The following XYLT1 variants were observed in gnomAD, a reference collection of about 807,000 sequenced individuals.
XYLT1 encodes beta-D-xylosyltransferase 1.
A neutral mutation model predicts 91.3 loss-of-function variants in XYLT1; 36 were observed. That is an observed-to-expected ratio of 0.39 (90% CI 0.30 to 0.52). The LOEUF (loss-of-function observed/expected upper bound fraction) is 0.52, where lower values mean the gene tolerates loss of function less well. Ranked by LOEUF, XYLT1 falls within the 20% of genes least tolerant of loss-of-function variation. XYLT1 has a pLI of 0.68. For missense variants in XYLT1, 1,242 were observed against 1,284.5 expected (o/e 0.97, Z 0.51); for synonymous variants, 588 against 532.0 (o/e 1.11, Z -1.45).
At chr16:17,285,918 G>A (rs1407888165) in intron 2 of XYLT1, among the ~76,000 whole-genome samples, 1 of 135,938 alleles carries the variant, frequency 7.4e-6, no homozygotes, top group Non-Finnish European at 1.6e-5. Flanking sequence ...GTGTGTGTGT[G>A]TCCATGTGTG....
At chr16:17,162,089 T>A (rs1483437625) in intron 5 of XYLT1, among the ~76,000 whole-genome samples, 4 of 152,156 alleles carry the variant, frequency 2.6e-5, no homozygotes, top group African/African-American at 9.7e-5. Flanking sequence ...TTTTATTGCA[T>A]TTGATAGTCA....
rs1425400893 is a variant in XYLT1 at position 17,312,622 on chromosome 16, T to A, written c.402+45390A>T. Reference sequence around the variant, plus strand: ...ATCAGTACAATACTGTTAACGGGACTGCAGATTTTGTTTTTGTTTTCACCC... The same window carrying A: ...ATCAGTACAATACTGTTAACGGGACAGCAGATTTTGTTTTTGTTTTCACCC... On this transcript the variant is annotated intron_variant, in intron 2 of 11. Coordinates refer to ENST00000261381, the MANE Select transcript of XYLT1 (RefSeq NM_022166.4). The surrounding 1 kb of genome is among the most constrained non-coding windows in gnomAD (Gnocchi z 4.4). Among the ~76,000 whole-genome samples the A allele has an allele frequency of 2.6e-5, 4 of 152,212 alleles. No individual in the cohort carries two copies. In the East Asian group the frequency reaches 5.8e-4, roughly 22 times the overall value.
intron 3 of XYLT1, among the ~76,000 whole-genome samples, chr16:17,230,857 ATT>A (rs1461125330): frequency 6.6e-6 from 1 of 152,170 alleles, no homozygotes; most frequent in African/African-American, 2.4e-5. Context: ...ATCTGGAGAC[ATT>A]TTTCATTGCC....
intron 5 of XYLT1, among the ~76,000 whole-genome samples, chr16:17,173,548 A>G (rs2031873821): frequency 6.6e-6 from 1 of 152,256 alleles, no homozygotes; most frequent in African/African-American, 2.4e-5. Context: ...AGGCTTGGCT[A>G]GCGCCATGTC....
intron 2 of XYLT1, among the ~76,000 whole-genome samples, chr16:17,314,475 G>A (rs2034595680): frequency 6.6e-6 from 1 of 152,194 alleles, no homozygotes. Flanking sequence ...AGCATGAGAA[G>A]TACCTCTCTG....
intron 5 of XYLT1, among the ~76,000 whole-genome samples, chr16:17,192,566 G>C (rs1470211760): frequency 1.3e-5 from 2 of 152,160 alleles, no homozygotes; most frequent in African/African-American, 2.4e-5. Context: ...ATCTAGCAGG[G>C]CCTCAGAGTT....
At chr16:17,338,500 T>C (rs1205794731) in intron 2 of XYLT1, 2 of 456,516 alleles carry the variant, frequency 4.4e-6, no homozygotes, top group Non-Finnish European at 8.8e-6. Flanking sequence ...AAGAGGAGCC[T>C]TGTGCTCCAT....
At chr16:17,384,055 A>C (rs2141886073) in intron 1 of XYLT1, among the ~76,000 whole-genome samples, 1 of 151,850 alleles carries the variant, frequency 6.6e-6, no homozygotes, top group South Asian at 2.1e-4. Context: ...CCCCTAAGTG[A>C]AGTTTTAACC....
intron 2 of XYLT1, among the ~76,000 whole-genome samples, chr16:17,279,570 G>T (rs558938334): frequency 7.2e-5 from 11 of 152,102 alleles, no homozygotes; most frequent in Non-Finnish European, 1.5e-4. Flanking sequence ...TAGAAAATTG[G>T]CTGACAATTT....
At chr16:17,285,872 CTCTGTGTGTGTGTGTG>C (rs2034128242) in intron 2 of XYLT1, among the ~76,000 whole-genome samples, 1 of 112,238 alleles carries the variant, frequency 8.9e-6, no homozygotes, top group African/African-American at 3.3e-5. Context: ...CCTGGTGTAT[CTCTGTGTGTGTGTGTG>C]TGTGTGTGTG....
rs1383274691 is a variant in XYLT1, at chr16:17,104,118, A to G, written c.*4577T>C. 6.5e-6 allele frequency: 1 copy of G among 152,770 alleles called. No individual in the cohort carries two copies. Among genetic ancestry groups the G allele is most frequent in the African/African-American group, 2.4e-5 (1 of 41,448 alleles). The allele number at this position is 152,770 out of a possible 1,614,324, so 9.5% of individuals were successfully genotyped here. A position where few individuals can be genotyped will look rare whatever the true frequency, so the allele number is the denominator to read the frequency against. On this transcript the variant is annotated 3_prime_UTR_variant, in exon 12 of 12. Transcript: ENST00000261381. ...AAGTAAGGTAACTGAGGCAGAAGCA[A>G]ACAGGACATCCCGTGAGCCAGCACA...
intron 2 of XYLT1, among the ~76,000 whole-genome samples, chr16:17,271,503 C>T (rs1404544904): frequency 6.6e-6 from 1 of 152,278 alleles, no homozygotes; most frequent in African/African-American, 2.4e-5. Context: ...ATGTGAACAA[C>T]CCAGTCTTGC....
intron 5 of XYLT1, among the ~76,000 whole-genome samples, chr16:17,195,596 C>A (rs1174108288): frequency 2.0e-5 from 3 of 152,150 alleles, no homozygotes; most frequent in African/African-American, 7.2e-5. Flanking sequence ...CAGGCACGCA[C>A]CACCATGCCC....
At chr16:17,414,612 G>A (rs2036156820) in intron 1 of XYLT1, among the ~76,000 whole-genome samples, 1 of 152,218 alleles carries the variant, frequency 6.6e-6, no homozygotes, top group Admixed American at 6.5e-5. Context: ...GGCACCCACA[G>A]GAAGCCCTGA....
intron 5 of XYLT1, among the ~76,000 whole-genome samples, chr16:17,196,787 A>G (rs1050267160): frequency 6.6e-6 from 1 of 151,926 alleles, no homozygotes; most frequent in African/African-American, 2.4e-5. Flanking sequence ...AGAAAATAAC[A>G]GCCTGGCACG....
intron 1 of XYLT1, among the ~76,000 whole-genome samples, chr16:17,421,120 T>C (rs184168064): frequency 3.3e-5 from 5 of 152,250 alleles, no homozygotes; most frequent in African/African-American, 1.2e-4. Context: ...AGCTCAATCA[T>C]TAGGACTCCA....
intron 3 of XYLT1, among the ~76,000 whole-genome samples, chr16:17,204,409 G>A (rs539736592): frequency 1.3e-5 from 2 of 152,038 alleles, no homozygotes; most frequent in African/African-American, 4.8e-5. Context: ...CAGTTAGTCT[G>A]GGGAGCTGCA....
chr16:17,453,996 C>T (rs2036702487), intron 1 of XYLT1, among the ~76,000 whole-genome samples: 1 of 152,162 alleles, frequency 6.6e-6, no homozygotes, highest in Admixed American at 6.5e-5. Flanking sequence ...TTTCTACGGA[C>T]TCTGAATTTT....
intron 1 of XYLT1, among the ~76,000 whole-genome samples, chr16:17,417,622 CGTGTGCTA>C (rs1287083235): frequency 1.3e-5 from 2 of 152,144 alleles, no homozygotes; most frequent in Non-Finnish European, 2.9e-5. Context: ...AAGAAGCCGG[CGTGTGCTA>C]GTTCACCACC....
Sources: allele counts gnomAD v4.1 joint callset (sites outside exome capture counted in the v4.1 genomes callset), GRCh38; gene constraint gnomAD v4.1.1; non-coding constraint Gnocchi (gnomAD v3.1); transcripts MANE v1.5; gene names NCBI Gene and HGNC (gene_info 2026-07-23, HGNC 2026-07-21).